Variants in RIMBP2 observed in about 807,000 individuals in gnomAD.
RIMBP2 encodes RIMS binding protein 2, also known as RIMS-binding protein 2.
A neutral mutation model predicts 118.6 loss-of-function variants in RIMBP2; 48 were observed. The observed-to-expected ratio is 0.40, with a 90% CI of 0.32 to 0.51. The LOEUF (loss-of-function observed/expected upper bound fraction) is 0.51, where lower values mean the gene tolerates loss of function less well. RIMBP2 is among the 20% of genes least tolerant of loss of function. The pLI, the probability that RIMBP2 is intolerant of heterozygous loss-of-function variation, is 0.41. For missense variants in RIMBP2, 1,551 were observed against 1,768.3 expected (o/e 0.88, Z 2.20); for synonymous variants, 762 against 742.9 (o/e 1.03, Z -0.42).
intron 21 of RIMBP2, among the ~76,000 whole-genome samples, chr12:130,402,856 A>G (rs1454792438): frequency 1.3e-5 from 2 of 152,250 alleles, no homozygotes; most frequent in East Asian, 1.9e-4. Flanking sequence ...AGGAAGGTAC[A>G]GGATTTAAGG....
chr12:130,426,774 G>GA (rs1177116351), intron 15 of RIMBP2: 3 of 152,180 alleles, frequency 2.0e-5, no homozygotes, highest in African/African-American at 7.2e-5. Context: ...TCTGAGGAGA[G>GA]AAGGTGACAT....
Position 130,420,597 on chromosome 12 carries a change from T to A in RIMBP2, c.3238+1856A>T, listed in dbSNP as rs893209127. Among the ~76,000 whole-genome samples, 4 of 151,326 alleles carry A rather than the reference T, an allele frequency of 2.6e-5. No homozygotes were observed. Among genetic ancestry groups the A allele is most frequent in the East Asian group, 1.9e-4 (1 of 5,162 alleles). ...TTCTCACTGCTGATGAATGCAGTTTTAAAAAAAAAGTCTCAACAATATACA... is the reference window on the plus strand; with the variant it reads ...TTCTCACTGCTGATGAATGCAGTTTAAAAAAAAAAGTCTCAACAATATACA... On this transcript the variant is annotated intron_variant, in intron 17 of 22. Transcript: ENST00000690449. This position sits in a 1 kb window ranked among gnomAD's most constrained non-coding sequence, Gnocchi z 4.3.
Position 130,578,952 on chromosome 12 carries a change from A to T in RIMBP2, c.-217+49370T>A, listed in dbSNP as rs2058277021. On this transcript the variant is annotated intron_variant, in intron 2 of 22. Transcript: ENST00000690449. The surrounding 1 kb of genome is among the most constrained non-coding windows in gnomAD (Gnocchi z 4.1). ...ATGTAAATACAAATCAAGTGGGATTAAAAAAAGATGAGAAGTTGTCTCACA... is the reference window on the plus strand; with the variant it reads ...ATGTAAATACAAATCAAGTGGGATTTAAAAAAGATGAGAAGTTGTCTCACA... Among the ~76,000 whole-genome samples the T allele has an allele frequency of 1.3e-5, 2 of 150,012 alleles. No homozygotes were observed. The highest frequency in any genetic ancestry group is 2.1e-4 in the South Asian group (1 of 4,816).
At chr12:130,634,180 C>T (rs1243139993) in intron 1 of RIMBP2, among the ~76,000 whole-genome samples, 2 of 152,168 alleles carry the variant, frequency 1.3e-5, no homozygotes, top group African/African-American at 4.8e-5. Flanking sequence ...ATCTCCCCAC[C>T]CCTGATCAAC....
rs1285857548 is a variant in RIMBP2, at chr12:130,621,063, G to A, written c.-217+7259C>T. ...AAATATGCACACACCTCTGTAAGGAGATGGAGTCACCCCTTAGTGAGGGTG... is the reference window on the plus strand; with the variant it reads ...AAATATGCACACACCTCTGTAAGGAAATGGAGTCACCCCTTAGTGAGGGTG... On this transcript the variant is annotated intron_variant, in intron 2 of 22. Transcript: ENST00000690449. The surrounding 1 kb of genome is among the most constrained non-coding windows in gnomAD (Gnocchi z 6.6). Among the ~76,000 whole-genome samples the A allele has an allele frequency of 6.6e-6, 1 of 152,222 alleles. No individual in the cohort carries two copies. Among genetic ancestry groups the A allele is most frequent in the East Asian group, 1.9e-4 (1 of 5,172 alleles).
At chr12:130,632,780 C>A (rs1594109165) in intron 1 of RIMBP2, among the ~76,000 whole-genome samples, 1 of 152,146 alleles carries the variant, frequency 6.6e-6, no homozygotes, top group East Asian at 1.9e-4. Context: ...CATAACCAAC[C>A]CTAATGAGCC....
At chr12:130,645,595 C>T (rs1434329226) in intron 1 of RIMBP2, among the ~76,000 whole-genome samples, 1 of 152,204 alleles carries the variant, frequency 6.6e-6, no homozygotes, top group African/African-American at 2.4e-5. Flanking sequence ...CCCACTGGAG[C>T]AAGCACATAG....
rs570540584 is a variant in RIMBP2, at chr12:130,492,687, C to G, written c.-3-13671G>C. ...GGATCTTATCAGCTGGACCTGTGTT[C>G]AATGCCATTTCCAACACGTACAGGC... On this transcript the variant is annotated intron_variant, in intron 4 of 22. Coordinates refer to ENST00000690449, the MANE Select transcript of RIMBP2 (RefSeq NM_001393629.1). Among the ~76,000 whole-genome samples, 5 of 152,356 alleles carry G rather than the reference C, an allele frequency of 3.3e-5. No individual in the cohort carries two copies. The East Asian group carries it at 9.6e-4, about 29-fold the overall frequency.
intron 14 of RIMBP2, among the ~76,000 whole-genome samples, chr12:130,433,036 C>G (rs2077249932): frequency 6.6e-6 from 1 of 152,100 alleles, no homozygotes; most frequent in Admixed American, 6.5e-5. Flanking sequence ...TCCTACGCTG[C>G]AAGAAAACCC....
Position 130,411,816 on chromosome 12 carries a change from A to G in RIMBP2, c.3589+803T>C, listed in dbSNP as rs1247514041. Among the ~76,000 whole-genome samples the G allele has an allele frequency of 2.0e-5, 3 of 151,150 alleles. No homozygotes were observed. In the East Asian group the frequency reaches 5.9e-4, roughly 30 times the overall value. On this transcript the variant is annotated intron_variant, in intron 19 of 22. Transcript: ENST00000690449. ...TCTGTCTTGAAACAATGCGTTTATTAATGCCAAAAAAGGTTGAAATGTTTT... is the reference window on the plus strand; with the variant it reads ...TCTGTCTTGAAACAATGCGTTTATTGATGCCAAAAAAGGTTGAAATGTTTT...
chr12:130,418,427 A>G (rs2136610462), intron 17 of RIMBP2, among the ~76,000 whole-genome samples: 1 of 152,330 alleles, frequency 6.6e-6, no homozygotes, highest in East Asian at 1.9e-4. Flanking sequence ...CCCTGCTCAC[A>G]CCCAGGGATG....
chr12:130,615,276 C>CATACATATATATATATATATATAT (rs1455080257), intron 2 of RIMBP2, among the ~76,000 whole-genome samples: 60 of 100,234 alleles, frequency 6.0e-4, no homozygotes, highest in Middle Eastern at 0.011. Context: ...AATACACATA[C>CATACATATATATATATATATATAT]ATATATATAT....
intron 4 of RIMBP2, among the ~76,000 whole-genome samples, chr12:130,493,242 T>A (rs2048812456): frequency 6.6e-6 from 1 of 152,198 alleles, no homozygotes; most frequent in Non-Finnish European, 1.5e-5. Context: ...TGGCTTCTGT[T>A]AGTTCCCTCC....
intron 1 of RIMBP2, among the ~76,000 whole-genome samples, chr12:130,665,142 A>C (rs576314580): frequency 5.9e-5 from 9 of 151,756 alleles, no homozygotes; most frequent in Non-Finnish European, 1.0e-4. Flanking sequence ...ACAGGAGAGC[A>C]ATTCAACCAT....
rs558690813 is a variant in RIMBP2, at chr12:130,533,996, T to C, written c.-216-16079A>G. Among the ~76,000 whole-genome samples, 208 of 151,698 alleles carry C rather than the reference T, an allele frequency of 1.4e-3. 1 individual carries two copies. The highest frequency in any genetic ancestry group is 4.6e-3 in the African/African-American group (189 of 41,362). On this transcript the variant is annotated intron_variant, in intron 2 of 22. Coordinates refer to ENST00000690449, the MANE Select transcript of RIMBP2 (RefSeq NM_001393629.1). ...GCCTGGCCAACATGGTGAAACCCCA[T>C]CTCTGCTAAAAATACAAAAATTAGC... is the stretch of plus-strand genomic sequence containing the variant.
intron 7 of RIMBP2, among the ~76,000 whole-genome samples, chr12:130,452,740 G>A (rs575530793): frequency 5.3e-5 from 8 of 152,336 alleles, no homozygotes; most frequent in Non-Finnish European, 8.8e-5. Context: ...CCAGCGTTCC[G>A]AGACCTGGGG....
intron 2 of RIMBP2, among the ~76,000 whole-genome samples, chr12:130,529,628 C>T (rs10848128): frequency 0.45 from 68,228 of 151,912 alleles, 15,788 homozygotes; most frequent in Admixed American, 0.51. Context: ...GTCAATTTTA[C>T]GTCAATTTCT....
chr12:130,707,311 A>G (rs2178075), intron 1 of RIMBP2, among the ~76,000 whole-genome samples: 146,708 of 152,124 alleles, frequency 0.96, 70,989 homozygotes, highest in East Asian at 1. Context: ...AAGGGAGGCA[A>G]CTGGGAGGAG....
chr12:130,709,489 G>A (rs1045597950), intron 1 of RIMBP2, among the ~76,000 whole-genome samples: 5 of 152,226 alleles, frequency 3.3e-5, no homozygotes, highest in East Asian at 3.9e-4. Flanking sequence ...CACGCAGCTC[G>A]AGCCCTTGGC....
Sources: gnomAD v4.1 joint callset for allele counts (sites outside exome capture counted in the v4.1 genomes callset) on GRCh38, gnomAD v4.1.1 for gene constraint, Gnocchi (gnomAD v3.1) non-coding constraint, MANE v1.5 for transcripts, NCBI Gene and HGNC (gene_info 2026-07-23, HGNC 2026-07-21) for gene names.